The following KHDRBS3 variants were observed in gnomAD, a reference collection of about 807,000 sequenced individuals.
The protein encoded by KHDRBS3 is KH RNA binding domain containing, signal transduction associated 3, also known as KH domain-containing, RNA-binding, signal transduction-associated protein 3.
A neutral mutation model predicts 45.6 loss-of-function variants in KHDRBS3; 23 were observed. The observed-to-expected ratio is 0.50, with a 90% CI of 0.36 to 0.72. KHDRBS3 has a LOEUF of 0.72. Among genes scored for constraint, KHDRBS3 ranks in the 30% least tolerant of loss-of-function variants. KHDRBS3 has a pLI of 0.00. For missense variants in KHDRBS3, 352 were observed against 424.8 expected, an observed-to-expected ratio of 0.83 and a Z score of 1.51; for synonymous variants, 162 against 156.5, an observed-to-expected ratio of 1.04 and a Z score of -0.26.
intron 7 of KHDRBS3, among the ~76,000 whole-genome samples, chr8:135,609,655 G>C (rs569214201): frequency 6.7e-6 from 1 of 150,288 alleles, no homozygotes; most frequent in Admixed American, 6.6e-5. Context: ...ACCTACACAG[G>C]CTCAGGATCT....
chr8:135,540,677 T>C, intron 2 of KHDRBS3: 1 of 152,226 alleles, frequency 6.6e-6, no homozygotes, highest in East Asian at 1.9e-4. Flanking sequence ...TTACACCTCC[T>C]CTTAAGAGAT....
chr8:135,608,653 C>T (rs1385648236), intron 7 of KHDRBS3, among the ~76,000 whole-genome samples: 1 of 152,136 alleles, frequency 6.6e-6, no homozygotes, highest in African/African-American at 2.4e-5. Context: ...AGTTCTGTTC[C>T]CGTATCTGTT....
chr8:135,485,238 T>C (rs536430626), intron 1 of KHDRBS3, among the ~76,000 whole-genome samples: 2 of 152,268 alleles, frequency 1.3e-5, no homozygotes, highest in East Asian at 3.9e-4. Context: ...GTGACTGACA[T>C]GAAGGAGACA....
At chr8:135,651,307 A>G (rs1303729199), downstream of KHDRBS3, among the ~76,000 whole-genome samples, 1 of 149,926 alleles carries the variant, frequency 6.7e-6, no homozygotes, top group African/African-American at 2.4e-5. Context: ...ATATTTATAT[A>G]TATATATGAT....
chr8:135,502,043 G>A (rs1051740061), intron 1 of KHDRBS3, among the ~76,000 whole-genome samples: 1 of 152,092 alleles, frequency 6.6e-6, no homozygotes, highest in Non-Finnish European at 1.5e-5. Flanking sequence ...TTTTATTCCT[G>A]ACATCTTGTT....
intron 4 of KHDRBS3, among the ~76,000 whole-genome samples, chr8:135,553,811 G>C (rs1826737286): frequency 6.6e-6 from 1 of 152,082 alleles, no homozygotes; most frequent in Non-Finnish European, 1.5e-5. Flanking sequence ...AAATTTTAAT[G>C]GCTTTTCTGC....
At chr8:135,573,526 G>A (rs898058889) in intron 5 of KHDRBS3, among the ~76,000 whole-genome samples, 3 of 152,120 alleles carry the variant, frequency 2.0e-5, no homozygotes, top group African/African-American at 4.8e-5. Context: ...TGTAAACATC[G>A]CAGCTATTCT....
chr8:135,629,700 G>A (rs1176353406), intron 7 of KHDRBS3, among the ~76,000 whole-genome samples: 1 of 152,240 alleles, frequency 6.6e-6, no homozygotes. Context: ...TACCTAGAAT[G>A]TGAGATGGAG....
At chr8:135,576,726 G>A (rs1349349498) in intron 5 of KHDRBS3, among the ~76,000 whole-genome samples, 3 of 152,144 alleles carry the variant, frequency 2.0e-5, no homozygotes. Flanking sequence ...TAGAAACCAA[G>A]GTCAGGCTGC....
intron 1 of KHDRBS3, among the ~76,000 whole-genome samples, chr8:135,490,168 C>T (rs1823073941): frequency 6.6e-6 from 1 of 152,120 alleles, no homozygotes; most frequent in Non-Finnish European, 1.5e-5. Context: ...ATGATGTTCC[C>T]ACAGAAACAA....
intron 7 of KHDRBS3, 95 bp downstream of exon 7, chr8:135,607,132 G>A: frequency 1.1e-6 from 1 of 905,198 alleles, no homozygotes; most frequent in South Asian, 1.9e-5. Flanking sequence ...AGCTAGAGAG[G>A]GTAATTGGCT....
intron 6 of KHDRBS3, among the ~76,000 whole-genome samples, chr8:135,596,353 C>G (rs569504641): frequency 6.6e-6 from 1 of 152,166 alleles, no homozygotes; most frequent in African/African-American, 2.4e-5. Flanking sequence ...AAAAAATGGG[C>G]CTTAAGGGTC....
chr8:135,621,294 A>C (rs1321590006), intron 7 of KHDRBS3, among the ~76,000 whole-genome samples: 1 of 152,190 alleles, frequency 6.6e-6, no homozygotes, highest in East Asian at 1.9e-4. Flanking sequence ...GTACTATATA[A>C]ATTAGATAAT....
chr8:135,506,196 G>A (rs150199084), intron 1 of KHDRBS3, among the ~76,000 whole-genome samples: 61 of 152,208 alleles, frequency 4.0e-4, no homozygotes, highest in African/African-American at 1.3e-3. Context: ...TTATTCACTT[G>A]TATTCACTCA....
intron 1 of KHDRBS3, among the ~76,000 whole-genome samples, chr8:135,513,620 C>T (rs923149300): frequency 9.2e-5 from 14 of 152,160 alleles, no homozygotes; most frequent in Admixed American, 2.6e-4. Flanking sequence ...ATTACTTAGC[C>T]GTTAAGAATT....
chr8:135,486,225 T>C (rs1040111059), intron 1 of KHDRBS3, among the ~76,000 whole-genome samples: 1 of 152,212 alleles, frequency 6.6e-6, no homozygotes, highest in Non-Finnish European at 1.5e-5. Flanking sequence ...TTTAAAGGTA[T>C]CATTTTTTTC....
rs1827228418 is a variant in KHDRBS3, at chr8:135,562,747, G to C, written c.611+5160G>C. On this transcript the variant is annotated intron_variant, in intron 5 of 8. Coordinates refer to ENST00000355849, the MANE Select transcript of KHDRBS3 (RefSeq NM_006558.3). ...AGAATTGGTCTTGAAATTATACTTT[G>C]AGTTGCCTTGTGGCTAAAGATGAGG... Among the ~76,000 whole-genome samples the C allele has an allele frequency of 4.6e-5, 7 of 152,186 alleles. No homozygotes were observed. The South Asian group carries it at 1.4e-3, about 32-fold the overall frequency.
chr8:135,618,956 T>C (rs1830028051), intron 7 of KHDRBS3, among the ~76,000 whole-genome samples: 2 of 152,196 alleles, frequency 1.3e-5, no homozygotes, highest in Non-Finnish European at 2.9e-5. Flanking sequence ...GGGATGATCA[T>C]TGGCACCTTC....
At chr8:135,546,002 G>A (rs1438814929) in intron 3 of KHDRBS3, among the ~76,000 whole-genome samples, 1 of 152,042 alleles carries the variant, frequency 6.6e-6, no homozygotes, top group Non-Finnish European at 1.5e-5. Flanking sequence ...GCCGGGCATG[G>A]TGGTGCACGT....
Sources: allele counts gnomAD v4.1 joint callset (sites outside exome capture counted in the v4.1 genomes callset), GRCh38; gene constraint gnomAD v4.1.1; transcripts MANE v1.5; gene names NCBI Gene and HGNC (gene_info 2026-07-23, HGNC 2026-07-21).